Variants in MYH15 observed in about 807,000 individuals in gnomAD.
MYH15 encodes myosin heavy chain 15.
A neutral mutation model predicts 240.5 loss-of-function variants in MYH15; 227 were observed. The observed-to-expected ratio is 0.94, with a 90% CI of 0.85 to 1.05. The LOEUF (loss-of-function observed/expected upper bound fraction) is 1.05, where lower values mean the gene tolerates loss of function less well. Ranked by LOEUF, MYH15 falls within the 50% of genes least tolerant of loss-of-function variation. The pLI is 0.00. For missense variants in MYH15, 2,217 were observed against 2,247.5 expected, an observed-to-expected ratio of 0.99 and a Z score of 0.27; for synonymous variants, 785 against 796.7, an observed-to-expected ratio of 0.99 and a Z score of 0.25.
At chr3:108,547,912 G>T in the MYH15 span, among the ~76,000 whole-genome samples, 2 of 152,224 alleles carry the variant, frequency 1.3e-5, no homozygotes, top group East Asian at 3.9e-4. Flanking sequence ...ATTTCCAAAA[G>T]GAAAAACAGG....
At chr3:108,517,747 T>TG (rs1298409443) in intron 1 of MYH15, among the ~76,000 whole-genome samples, 2 of 152,204 alleles carry the variant, frequency 1.3e-5, no homozygotes, top group African/African-American at 4.8e-5. Flanking sequence ...GGATTACAGG[T>TG]GTGAGCCACC....
At position 108,444,633 on chromosome 3, in the gene MYH15, T is replaced by C. The variant is rs757994728; in HGVS notation, c.2655+7A>G. The C allele has an allele frequency of 1.9e-6, 3 of 1,613,568 alleles. No individual in the cohort carries two copies. The East Asian group carries it at 6.7e-5, about 36-fold the overall frequency. On this transcript the variant is annotated splice_region_variant and intron_variant, in intron 22 of 40. Coordinates refer to ENST00000693548, the MANE Select transcript of MYH15 (RefSeq NM_014981.3). ...TGATTTAAAGAACAAATGGTGGGGCTACTCACAGCCTGAAGCTGAAGAATC... is the reference window on the plus strand; with the variant it reads ...TGATTTAAAGAACAAATGGTGGGGCCACTCACAGCCTGAAGCTGAAGAATC...
intron 1 of MYH15, among the ~76,000 whole-genome samples, chr3:108,523,982 G>GT (rs1269752781): frequency 6.6e-6 from 1 of 151,738 alleles, no homozygotes; most frequent in African/African-American, 2.4e-5. Flanking sequence ...ATTTCCAGAG[G>GT]TTTTTTGCCG....
intron 26 of MYH15, among the ~76,000 whole-genome samples, chr3:108,429,460 G>A (rs1345052524): frequency 6.6e-6 from 1 of 152,132 alleles, no homozygotes; most frequent in Non-Finnish European, 1.5e-5. Flanking sequence ...AGCTGGTGAA[G>A]GAATGTGGAC....
At chr3:108,492,224 A>ACACACACACACT (rs1162717335) in intron 9 of MYH15, among the ~76,000 whole-genome samples, 2 of 139,564 alleles carry the variant, frequency 1.4e-5, no homozygotes, top group East Asian at 3.9e-4. Flanking sequence ...ACACACACAC[A>ACACACACACACT]CACTCACTCA....
chr3:108,549,757 G>A, the MYH15 span: 1 of 151,976 alleles, frequency 6.6e-6, no homozygotes, highest in Non-Finnish European at 1.5e-5. Flanking sequence ...ATTGTATAGG[G>A]TAGCACTAGG....
At chr3:108,395,038 G>C (rs998199098) in intron 35 of MYH15, among the ~76,000 whole-genome samples, 4 of 152,096 alleles carry the variant, frequency 2.6e-5, no homozygotes, top group Non-Finnish European at 5.9e-5. Flanking sequence ...GGCTGACGGG[G>C]GTGAATCTCC....
At chr3:108,540,087 T>C in the MYH15 span, among the ~76,000 whole-genome samples, 1 of 152,220 alleles carries the variant, frequency 6.6e-6, no homozygotes, top group African/African-American at 2.4e-5. Context: ...AAATCCATGA[T>C]ACATTCATTT....
chr3:108,472,799 T>C (rs1471269809), intron 12 of MYH15, among the ~76,000 whole-genome samples: 1 of 152,166 alleles, frequency 6.6e-6, no homozygotes, highest in African/African-American at 2.4e-5. Flanking sequence ...CAGATCAATA[T>C]GTTGCTCACT....
chr3:108,480,089 G>GA (rs2107592856), intron 11 of MYH15, among the ~76,000 whole-genome samples: 1 of 152,196 alleles, frequency 6.6e-6, no homozygotes, highest in African/African-American at 2.4e-5. Flanking sequence ...TAAGACATGG[G>GA]AAAAAATAGT....
chr3:108,542,193 C>T, the MYH15 span, among the ~76,000 whole-genome samples: 2 of 152,048 alleles, frequency 1.3e-5, no homozygotes, highest in African/African-American at 4.8e-5. Context: ...TCCCCTGGCA[C>T]CCCTATTATT....
intron 1 of MYH15, among the ~76,000 whole-genome samples, chr3:108,526,199 C>A (rs1335819192): frequency 6.6e-6 from 1 of 152,212 alleles, no homozygotes; most frequent in East Asian, 1.9e-4. Flanking sequence ...CCATGCAGCA[C>A]TTTATTAATC....
chr3:108,440,012 G>A, intron 23 of MYH15, 99 bp from the exon 24 acceptor site: 3 of 1,050,664 alleles, frequency 2.9e-6, no homozygotes, highest in Non-Finnish European at 3.9e-6. Context: ...CTACGCATGA[G>A]GTATCCAATG....
intron 1 of MYH15, among the ~76,000 whole-genome samples, chr3:108,522,752 G>C (rs2083630572): frequency 6.6e-6 from 1 of 152,054 alleles, no homozygotes; most frequent in East Asian, 1.9e-4. Flanking sequence ...AGATGCTACA[G>C]AACTATTTGA....
intron 23 of MYH15, 57 bp from the exon 24 acceptor site, chr3:108,439,970 A>G (rs760753785): frequency 4.9e-6 from 7 of 1,416,296 alleles, no homozygotes; most frequent in African/African-American, 1.4e-5. Context: ...TGGGCATAAC[A>G]CTGAGGGTCA....
chr3:108,450,168 A>G (rs1348886358), intron 21 of MYH15, among the ~76,000 whole-genome samples: 1 of 152,144 alleles, frequency 6.6e-6, no homozygotes, highest in Non-Finnish European at 1.5e-5. Flanking sequence ...AAAATTAAAA[A>G]TGGAACTACC....
chr3:108,517,956 C>T (rs1158490297), intron 1 of MYH15, among the ~76,000 whole-genome samples: 2 of 152,164 alleles, frequency 1.3e-5, no homozygotes, highest in African/African-American at 2.4e-5. Flanking sequence ...CAGGGCCATA[C>T]AGGTCAAGGA....
At chr3:108,526,857 T>C (rs569487434) in intron 1 of MYH15, among the ~76,000 whole-genome samples, 24 of 152,228 alleles carry the variant, frequency 1.6e-4, no homozygotes, top group African/African-American at 5.1e-4. Context: ...GGTGTTTTGG[T>C]TGACTTATTT....
chr3:108,446,721 A>G, intron 21 of MYH15, among the ~76,000 whole-genome samples: 1 of 146,952 alleles, frequency 6.8e-6, no homozygotes, highest in Middle Eastern at 3.5e-3. Context: ...TCTCTAGCCA[A>G]GATGTCTGGT....
Sources: allele counts gnomAD v4.1 joint callset (sites outside exome capture counted in the v4.1 genomes callset), GRCh38; gene constraint gnomAD v4.1.1; transcripts MANE v1.5; gene names NCBI Gene and HGNC (gene_info 2026-07-23, HGNC 2026-07-21).